Variants in DUS2 observed in about 807,000 individuals in gnomAD.
DUS2 encodes the protein tRNA-dihydrouridine(20) synthase [NAD(P)+]-like.
Under a neutral mutation model 71.3 loss-of-function variants are expected in DUS2, and 52 were observed. The ratio of observed to expected loss-of-function variants is 0.73; its 90% CI spans 0.58 to 0.92. The LOEUF (loss-of-function observed/expected upper bound fraction) is 0.92. Among genes scored for constraint, DUS2 ranks in the 40% least tolerant of loss-of-function variants. The pLI is 0.00. For synonymous variants in DUS2, 204 were observed against 227.8 expected (o/e 0.90, Z 0.94); for missense variants, 558 against 622.6 (o/e 0.90, Z 1.10).
chr16:68,023,461 C>T, intron 1 of DUS2, 110 bp downstream of exon 1: 1 of 534,080 alleles, frequency 1.9e-6, no homozygotes, highest in Non-Finnish European at 3.4e-6. Context: ...GCAGTGGGGC[C>T]TTGACCCAAT....
chr16:68,041,115 C>G (rs970697170), intron 3 of DUS2, among the ~76,000 whole-genome samples: 2 of 152,098 alleles, frequency 1.3e-5, no homozygotes, highest in African/African-American at 4.8e-5. Context: ...CCTGTAGTCC[C>G]AGCTTCAGGC....
chr16:68,050,313 T>C (rs2033760830), intron 4 of DUS2, among the ~76,000 whole-genome samples: 2 of 152,088 alleles, frequency 1.3e-5, no homozygotes, highest in African/African-American at 2.4e-5. Context: ...AATTTTTGTA[T>C]TTTTAGTAGA....
intron 3 of DUS2, among the ~76,000 whole-genome samples, chr16:68,048,174 C>T (rs995878238): frequency 2.0e-5 from 3 of 152,168 alleles, no homozygotes; most frequent in African/African-American, 7.2e-5. Context: ...TAAAGTTCTC[C>T]TGGGTTAGCT....
At chr16:68,075,820 T>C (rs1335574292) in intron 14 of DUS2, among the ~76,000 whole-genome samples, 1 of 152,202 alleles carries the variant, frequency 6.6e-6, no homozygotes, top group Non-Finnish European at 1.5e-5. Context: ...AACTGGCTCC[T>C]GGCATGAAGC....
chr16:68,073,982 G>A, intron 12 of DUS2, 52 bp from the exon 13 acceptor site: 3 of 1,610,242 alleles, frequency 1.9e-6, no homozygotes, highest in South Asian at 2.2e-5. Flanking sequence ...TCAGAGCATA[G>A]CCCAGGCCTT....
chr16:68,068,489 A>T (rs2034039458), intron 10 of DUS2, among the ~76,000 whole-genome samples: 1 of 151,966 alleles, frequency 6.6e-6, no homozygotes, highest in East Asian at 1.9e-4. Flanking sequence ...AGAAATTAAG[A>T]TAATTTCTAC....
chr16:68,056,339 C>T lies in DUS2; in HGVS notation c.309-25C>T, dbSNP rs759669195. The T allele has an allele frequency of 4.4e-6, 7 of 1,606,800 alleles. No individual in the cohort carries two copies. In the Middle Eastern group the frequency reaches 8.3e-4, roughly 190 times the overall value. On this transcript the variant is annotated intron_variant, in intron 6 of 16. Transcript: ENST00000565263. Reference sequence around the variant, plus strand: ...CTTTGCTCTAATTCAATACTTATTACCTTTACTCCTTCATCCTTTTCCAGA... The same window carrying T: ...CTTTGCTCTAATTCAATACTTATTATCTTTACTCCTTCATCCTTTTCCAGA...
intron 3 of DUS2, among the ~76,000 whole-genome samples, chr16:68,038,836 C>T (rs760379295): frequency 2.0e-5 from 3 of 151,200 alleles, no homozygotes; most frequent in Non-Finnish European, 4.4e-5. Context: ...ATCACTTGAG[C>T]CTAGGAGTTT....
chr16:68,037,415 C>CTT (rs945193739), intron 2 of DUS2, among the ~76,000 whole-genome samples: 14 of 131,730 alleles, frequency 1.1e-4, no homozygotes, highest in South Asian at 2.4e-4. Context: ...GAAACTCCAT[C>CTT]TTTTTTTTTT....
Position 68,023,322 on chromosome 16 carries a change from C to G in DUS2, c.-128C>G. On this transcript the variant is annotated 5_prime_UTR_variant, in exon 1 of 17. Coordinates refer to ENST00000565263, the MANE Select transcript of DUS2 (RefSeq NM_017803.5). ...GAGCTGGAGCACCGTGAGGAAGAAG[C>G]GAGGTTCTTTTTAAGAGTTCAGCTG... 8.1e-7 allele frequency: 1 copy of G among 1,240,518 alleles called. No homozygotes were observed. Among genetic ancestry groups the G allele is most frequent in the South Asian group, 1.6e-5 (1 of 64,410 alleles). 76.8% of individuals were successfully genotyped at this position (1,240,518 alleles called of 1,614,324 possible).
chr16:68,027,764 T>C (rs779429252), intron 2 of DUS2, among the ~76,000 whole-genome samples: 2 of 152,158 alleles, frequency 1.3e-5, no homozygotes, highest in Non-Finnish European at 2.9e-5. Flanking sequence ...TTTTGGGAGA[T>C]GTTGGTCAGA....
At chr16:68,062,222 G>A (rs1017089622) in intron 8 of DUS2, among the ~76,000 whole-genome samples, 30 of 151,830 alleles carry the variant, frequency 2.0e-4, no homozygotes, top group Admixed American at 1.6e-3. Flanking sequence ...TGTTGGCCAC[G>A]CTGGTCTTGA....
chr16:68,069,159 C>A (rs571025047), intron 10 of DUS2, among the ~76,000 whole-genome samples: 2 of 151,906 alleles, frequency 1.3e-5, no homozygotes, highest in Non-Finnish European at 2.9e-5. Flanking sequence ...GAGGCCGAGG[C>A]GGGTGGATCA....
chr16:68,041,922 A>G (rs1399693502), intron 3 of DUS2, among the ~76,000 whole-genome samples: 1 of 151,776 alleles, frequency 6.6e-6, no homozygotes, highest in Non-Finnish European at 1.5e-5. Context: ...TGTACTGTTC[A>G]GTAGTGTTAT....
chr16:68,054,271 G>A (rs1452493274), intron 5 of DUS2, among the ~76,000 whole-genome samples: 1 of 152,208 alleles, frequency 6.6e-6, no homozygotes. Context: ...AGCAAATCTA[G>A]CAAAATGTTA....
intron 4 of DUS2, among the ~76,000 whole-genome samples, chr16:68,050,120 T>C (rs1478849466): frequency 6.6e-6 from 1 of 152,146 alleles, no homozygotes; most frequent in Non-Finnish European, 1.5e-5. Context: ...AGTTTTCTGA[T>C]ACATACGTAT....
chr16:68,065,676 G>T (rs920600423), intron 8 of DUS2, among the ~76,000 whole-genome samples: 11 of 152,198 alleles, frequency 7.2e-5, no homozygotes, highest in African/African-American at 2.6e-4. Flanking sequence ...ACAGGGTCTT[G>T]CTGTGTTGCC....
At chr16:68,057,925 A>C (rs2033885067) in intron 7 of DUS2, among the ~76,000 whole-genome samples, 1 of 149,594 alleles carries the variant, frequency 6.7e-6, no homozygotes, top group South Asian at 2.1e-4. Context: ...AAATGTTCCC[A>C]TTGTCGTATC....
intron 12 of DUS2, among the ~76,000 whole-genome samples, chr16:68,073,636 A>C (rs1015904882): frequency 6.6e-6 from 1 of 151,852 alleles, no homozygotes; most frequent in African/African-American, 2.4e-5. Context: ...TTTAGTAGAG[A>C]CGGGGCTTCA....
Sources: allele counts gnomAD v4.1 joint callset (sites outside exome capture counted in the v4.1 genomes callset), GRCh38; gene constraint gnomAD v4.1.1; transcripts MANE v1.5; gene names NCBI Gene and HGNC (gene_info 2026-07-23, HGNC 2026-07-21).